PDE8B: variants seen among roughly 807,000 people sequenced by gnomAD.
PDE8B encodes high affinity cAMP-specific and IBMX-insensitive 3',5'-cyclic phosphodiesterase 8B.
Under a neutral mutation model 101.3 loss-of-function variants are expected in PDE8B, and 26 were observed. That is an observed-to-expected ratio of 0.26 (90% CI 0.19 to 0.36). The LOEUF is 0.36. PDE8B is among the 10% of genes least tolerant of loss of function. PDE8B has a pLI of 1.00. For synonymous variants in PDE8B, 424 were observed against 429.3 expected, an observed-to-expected ratio of 0.99 and a Z score of 0.15; for missense variants, 810 against 1,163.1, an observed-to-expected ratio of 0.70 and a Z score of 4.42.
rs374688984 is a variant in PDE8B at position 77,404,630 on chromosome 5, C to T, written c.1211-90C>T. On this transcript the variant is annotated intron_variant, in intron 11 of 21. Transcript: ENST00000264917. Reference sequence around the variant, plus strand: ...AGTGCTTAAAAAGTAACCTTGTTTTCTTTAGAGAATAAAGAAAAAACATGT... The same window carrying T: ...AGTGCTTAAAAAGTAACCTTGTTTTTTTTAGAGAATAAAGAAAAAACATGT... The T allele has an allele frequency of 2.8e-5, 23 of 809,662 alleles. No homozygotes were observed. The South Asian group carries it at 3.1e-4, about 11-fold the overall frequency. 50.2% of individuals were successfully genotyped at this position (809,662 alleles called of 1,614,324 possible).
At chr5:77,291,000 A>G in intron 1 of PDE8B, 1 of 1,612,098 alleles carries the variant, frequency 6.2e-7, no homozygotes, top group Non-Finnish European at 8.5e-7. Context: ...GCTGTCCTTC[A>G]CCGGGAGCAC....
chr5:77,385,090 A>C lies in PDE8B; in HGVS notation c.1168-15158A>C, dbSNP rs138019820. On this transcript the variant is annotated intron_variant, in intron 10 of 21. Coordinates refer to ENST00000264917, the MANE Select transcript of PDE8B (RefSeq NM_003719.5). ...TACCTTTGGTAGAATTTGACTGTGA[A>C]TCCTTCTGATCCTGGACTTCTTTTG... 4.7e-3 allele frequency among the ~76,000 whole-genome samples: 719 copies of C among 152,234 alleles called. 11 individuals carry two copies. Among genetic ancestry groups the C allele is most frequent in the African/African-American group, 0.017 (686 of 41,544 alleles).
the PDE8B span, among the ~76,000 whole-genome samples, chr5:77,181,183 T>C: frequency 6.7e-6 from 1 of 148,778 alleles, no homozygotes; most frequent in Admixed American, 6.9e-5. Flanking sequence ...ACCACCCGCC[T>C]CATCCCCTGT....
chr5:77,359,524 A>G (rs1300549770), intron 10 of PDE8B, among the ~76,000 whole-genome samples: 1 of 152,046 alleles, frequency 6.6e-6, no homozygotes, highest in South Asian at 2.1e-4. Flanking sequence ...CTCTCATTCT[A>G]TCCTTTCTGC....
At chr5:77,332,698 G>A (rs1425047511) in intron 5 of PDE8B, among the ~76,000 whole-genome samples, 2 of 152,102 alleles carry the variant, frequency 1.3e-5, no homozygotes, top group South Asian at 2.1e-4. Flanking sequence ...TTAGCTGGGC[G>A]TGGTGGCACA....
chr5:77,244,853 C>T (rs1419061264), intron 1 of PDE8B, among the ~76,000 whole-genome samples: 2 of 152,104 alleles, frequency 1.3e-5, no homozygotes, highest in Non-Finnish European at 2.9e-5. Flanking sequence ...GCTAGTCACC[C>T]CTCAATGTAA....
chr5:77,284,182 C>G (rs528457843), intron 1 of PDE8B, among the ~76,000 whole-genome samples: 1 of 152,208 alleles, frequency 6.6e-6, no homozygotes, highest in African/African-American at 2.4e-5. Context: ...TGTTCATTTT[C>G]TTATGGTTGA....
the PDE8B span, among the ~76,000 whole-genome samples, chr5:77,115,949 CCT>C: frequency 6.6e-6 from 1 of 151,978 alleles, no homozygotes. Flanking sequence ...AAATAAGAAA[CCT>C]AGCAGAGTGA....
the PDE8B span, among the ~76,000 whole-genome samples, chr5:77,154,034 A>G: frequency 6.6e-6 from 1 of 152,236 alleles, no homozygotes; most frequent in African/African-American, 2.4e-5. Context: ...GTAGCCATAA[A>G]GCTTTTTTTG....
At chr5:77,310,480 C>T (rs564192162) in intron 1 of PDE8B, among the ~76,000 whole-genome samples, 4 of 152,328 alleles carry the variant, frequency 2.6e-5, no homozygotes, top group African/African-American at 9.6e-5. Flanking sequence ...CTTACTTAGA[C>T]AAAAGAAGAG....
chr5:77,203,669 C>T, the PDE8B span, among the ~76,000 whole-genome samples: 5 of 152,222 alleles, frequency 3.3e-5, no homozygotes, highest in Non-Finnish European at 5.9e-5. Flanking sequence ...ATATAACCTT[C>T]ATCACTACCA....
At chr5:77,395,329 A>G in intron 10 of PDE8B, among the ~76,000 whole-genome samples, 1 of 151,146 alleles carries the variant, frequency 6.6e-6, no homozygotes, top group African/African-American at 2.4e-5. Flanking sequence ...GTTAGCCAGG[A>G]TGGTCTCAAT....
chr5:77,191,553 C>T, the PDE8B span, among the ~76,000 whole-genome samples: 1 of 152,046 alleles, frequency 6.6e-6, no homozygotes, highest in Non-Finnish European at 1.5e-5. Context: ...CGGGGTTTCA[C>T]CGTGTTAGCC....
chr5:77,247,334 G>A lies in PDE8B; in HGVS notation c.339+36070G>A, dbSNP rs535536794. Reference sequence around the variant, plus strand: ...CCCTCTGTTCCGCAGCAGGAGGTGTGATGCGGTCCTGGCACTGCAGTCACG... The same window carrying A: ...CCCTCTGTTCCGCAGCAGGAGGTGTAATGCGGTCCTGGCACTGCAGTCACG... On this transcript the variant is annotated intron_variant, in intron 1 of 21. Coordinates refer to ENST00000264917, the MANE Select transcript of PDE8B (RefSeq NM_003719.5). Among the ~76,000 whole-genome samples the A allele has an allele frequency of 1.4e-4, 22 of 152,316 alleles. 1 individual carries two copies. The highest frequency in any genetic ancestry group is 5.3e-4 in the African/African-American group (22 of 41,562).
chr5:77,360,679 G>A (rs1056780990), intron 10 of PDE8B, among the ~76,000 whole-genome samples: 1 of 152,114 alleles, frequency 6.6e-6, no homozygotes, highest in African/African-American at 2.4e-5. Context: ...CTTGGCTAAT[G>A]AGACCCCCAT....
intron 10 of PDE8B, among the ~76,000 whole-genome samples, chr5:77,395,699 C>T (rs760791946): frequency 3.6e-3 from 541 of 152,106 alleles, no homozygotes; most frequent in Middle Eastern, 6.8e-3. Flanking sequence ...TCATCAGTAA[C>T]GAAGTGCCCA....
chr5:77,427,772 C>T lies in PDE8B; in HGVS notation c.*1218C>T, dbSNP rs1484062895. ...AAAGTCAGACTCGAGATTTTCCTTT[C>T]TCTTTTACCAGCTGATCCTTCCTAT... On this transcript the variant is annotated 3_prime_UTR_variant, in exon 22 of 22. Coordinates refer to ENST00000264917, the MANE Select transcript of PDE8B (RefSeq NM_003719.5). The T allele has an allele frequency of 6.6e-6, 1 of 152,176 alleles. No individual in the cohort carries two copies. The highest frequency in any genetic ancestry group is 2.1e-4 in the South Asian group (1 of 4,830). The allele number at this position is 152,176 out of a possible 1,614,324, so 9.4% of individuals were successfully genotyped here.
intron 10 of PDE8B, among the ~76,000 whole-genome samples, chr5:77,373,780 C>T (rs1178798491): frequency 6.6e-6 from 1 of 152,102 alleles, no homozygotes; most frequent in Non-Finnish European, 1.5e-5. Context: ...TTTTATTGGT[C>T]AATATTATTC....
At chr5:77,388,141 T>C (rs2150887430) in intron 10 of PDE8B, among the ~76,000 whole-genome samples, 1 of 152,288 alleles carries the variant, frequency 6.6e-6, no homozygotes, top group South Asian at 2.1e-4. Context: ...TGTGATCCTT[T>C]GGAGGAGAAG....
Sources: allele counts gnomAD v4.1 joint callset (sites outside exome capture counted in the v4.1 genomes callset), GRCh38; gene constraint gnomAD v4.1.1; transcripts MANE v1.5; gene names NCBI Gene and HGNC (gene_info 2026-07-23, HGNC 2026-07-21).